MAPK9: variants seen among roughly 807,000 people sequenced by gnomAD.
MAPK9 encodes Jun kinase.
MAPK9 carries 30 observed loss-of-function variants against 57.1 expected under a neutral mutation model. That is an observed-to-expected ratio of 0.53 (90% CI 0.39 to 0.71). The LOEUF (loss-of-function observed/expected upper bound fraction) is 0.71, where lower values mean the gene tolerates loss of function less well. MAPK9 is among the 30% of genes least tolerant of loss of function. MAPK9 has a pLI of 0.00. For synonymous variants in MAPK9, 155 were observed against 177.0 expected (o/e 0.88, Z 0.99); for missense variants, 362 against 521.0 (o/e 0.69, Z 2.97).
At chr5:180,251,669 T>C (rs959275594) in intron 5 of MAPK9, among the ~76,000 whole-genome samples, 1 of 152,022 alleles carries the variant, frequency 6.6e-6, no homozygotes, top group African/African-American at 2.4e-5. Context: ...GAAAGACAGT[T>C]CTGCCCCTTC....
chr5:180,237,350 G>C (rs912771924), intron 11 of MAPK9: 5 of 152,264 alleles, frequency 3.3e-5, no homozygotes, highest in African/African-American at 9.6e-5. Flanking sequence ...CCCAGTGGGA[G>C]TGGGAGAGAG....
intron 3 of MAPK9, among the ~76,000 whole-genome samples, chr5:180,266,352 TCCC>T: frequency 6.6e-6 from 1 of 151,712 alleles, no homozygotes. Context: ...TTCATTCTTG[TCCC>T]CCAGGCTGGA....
At chr5:180,266,424 C>G (rs1760556546) in intron 3 of MAPK9, among the ~76,000 whole-genome samples, 1 of 151,784 alleles carries the variant, frequency 6.6e-6, no homozygotes. Flanking sequence ...AAGTGATTCT[C>G]CTGCCTCAGC....
intron 8 of MAPK9, 33 bp from the exon 9 acceptor site, chr5:180,241,188 T>C (rs761207753): frequency 6.3e-7 from 1 of 1,591,964 alleles, no homozygotes; most frequent in Admixed American, 1.7e-5. Context: ...ATTAATGCTG[T>C]TAATATGAAA....
chr5:180,255,113 G>T (rs144408050), intron 5 of MAPK9, among the ~76,000 whole-genome samples: 1 of 152,108 alleles, frequency 6.6e-6, no homozygotes, highest in Non-Finnish European at 1.5e-5. Context: ...CCGCCATTCT[G>T]AGCGCAACTG....
chr5:180,253,118 A>G (rs1475036595), intron 5 of MAPK9, among the ~76,000 whole-genome samples: 1 of 152,214 alleles, frequency 6.6e-6, no homozygotes, highest in Non-Finnish European at 1.5e-5. Flanking sequence ...CAGAGCCGTC[A>G]GCCAGGGGCC....
intron 1 of MAPK9, among the ~76,000 whole-genome samples, chr5:180,291,503 C>G (rs1056290386): frequency 1.4e-4 from 22 of 152,328 alleles, no homozygotes; most frequent in African/African-American, 5.0e-4. Context: ...GAGCGAGGGT[C>G]AGTGCCTTGG....
chr5:180,261,522 C>T (rs1262511701), intron 5 of MAPK9, among the ~76,000 whole-genome samples, 162 bp downstream of exon 5: 1 of 152,224 alleles, frequency 6.6e-6, no homozygotes, highest in Admixed American at 6.5e-5. Flanking sequence ...CAGGCGGCTC[C>T]ACAGATGCCT....
intron 2 of MAPK9, chr5:180,280,035 G>T (rs1218884415): frequency 4.4e-6 from 2 of 457,716 alleles, no homozygotes; most frequent in Non-Finnish European, 8.8e-6. Flanking sequence ...CAATGATGGC[G>T]CCTGGAAATG....
intron 7 of MAPK9, among the ~76,000 whole-genome samples, chr5:180,244,592 G>A (rs181247531): frequency 3.9e-5 from 6 of 152,018 alleles, no homozygotes; most frequent in East Asian, 1.9e-4. Flanking sequence ...TGGCCAAGAC[G>A]GTGAAACCCT....
chr5:180,240,535 C>T (rs956196807), intron 9 of MAPK9, among the ~76,000 whole-genome samples: 3 of 152,214 alleles, frequency 2.0e-5, no homozygotes, highest in Admixed American at 6.5e-5. Context: ...TGCCACTACG[C>T]AGTGATTTCC....
At chr5:180,270,212 T>G (rs1761126342) in intron 2 of MAPK9, among the ~76,000 whole-genome samples, 1 of 152,352 alleles carries the variant, frequency 6.6e-6, no homozygotes, top group East Asian at 1.9e-4. Flanking sequence ...CCTGAGAACC[T>G]AAGCACTGAT....
chr5:180,243,155 A>G (rs1235802238), intron 7 of MAPK9, among the ~76,000 whole-genome samples: 2 of 152,224 alleles, frequency 1.3e-5, no homozygotes, highest in East Asian at 3.8e-4. Context: ...CTCTCTAAAG[A>G]ACAGAGGATC....
At chr5:180,285,118 A>T (rs1415079258) in intron 1 of MAPK9, among the ~76,000 whole-genome samples, 3 of 152,240 alleles carry the variant, frequency 2.0e-5, no homozygotes, top group African/African-American at 7.2e-5. Context: ...AGATAAGGCT[A>T]GAGGCATGAG....
intron 2 of MAPK9, among the ~76,000 whole-genome samples, chr5:180,278,957 C>CTTTTTTTTTTTTT (rs751873959): frequency 7.1e-6 from 1 of 139,864 alleles, no homozygotes; most frequent in African/African-American, 2.6e-5. Flanking sequence ...AACTTTAAAA[C>CTTTTTTTTTTTTT]TTTTTTTTTT....
intron 4 of MAPK9, among the ~76,000 whole-genome samples, chr5:180,263,994 C>G (rs945287315): frequency 6.6e-6 from 1 of 152,264 alleles, no homozygotes; most frequent in African/African-American, 2.4e-5. Flanking sequence ...CGTGAGCCAC[C>G]GCACCCGGCC....
In MAPK9 at chr5:180,247,200, A is replaced by C. The variant is rs1758195698; in HGVS notation, c.688+239T>G. On this transcript the variant is annotated intron_variant, in intron 7 of 11. Coordinates refer to ENST00000452135, the MANE Select transcript of MAPK9 (RefSeq NM_002752.5). This position sits in a 1 kb window ranked among gnomAD's most constrained non-coding sequence, Gnocchi z 4.5. ...TTTGGCAAAATTAAGAGCTAATATA[A>C]TCGGTTTAACTGAACTCTAAGTCTC... 1.8e-6 allele frequency: 1 copy of C among 554,058 alleles called. No homozygotes were observed. Among genetic ancestry groups the C allele is most frequent in the Non-Finnish European group, 3.2e-6 (1 of 314,974 alleles). 34.3% of individuals were successfully genotyped at this position (554,058 alleles called of 1,614,324 possible).
chr5:180,255,877 T>C (rs1759224347), intron 5 of MAPK9, among the ~76,000 whole-genome samples: 1 of 152,172 alleles, frequency 6.6e-6, no homozygotes, highest in Non-Finnish European at 1.5e-5. Flanking sequence ...AGTTTGCTTC[T>C]AGGGAGAGAG....
intron 7 of MAPK9, among the ~76,000 whole-genome samples, chr5:180,244,245 CCAT>C (rs1757892920): frequency 6.6e-6 from 1 of 152,126 alleles, no homozygotes; most frequent in South Asian, 2.1e-4. Context: ...CACACAGCAA[CCAT>C]CTGGGCTCCC....
Sources: gnomAD v4.1 joint callset for allele counts (sites outside exome capture counted in the v4.1 genomes callset) on GRCh38, gnomAD v4.1.1 for gene constraint, Gnocchi (gnomAD v3.1) non-coding constraint, MANE v1.5 for transcripts, NCBI Gene and HGNC (gene_info 2026-07-23, HGNC 2026-07-21) for gene names.